Variants in MARCHF10 observed in about 807,000 individuals in gnomAD.
MARCHF10 encodes probable E3 ubiquitin-protein ligase MARCHF10.
MARCHF10 carries 64 observed loss-of-function variants against 76.2 expected under a neutral mutation model. The observed-to-expected ratio is 0.84, with a 90% CI of 0.69 to 1.03. The LOEUF is 1.03. Ranked by LOEUF, MARCHF10 falls within the 50% of genes least tolerant of loss-of-function variation. MARCHF10 has a pLI of 0.00. For synonymous variants in MARCHF10, 340 were observed against 357.5 expected, an observed-to-expected ratio of 0.95 and a Z score of 0.55; for missense variants, 875 against 958.0, an observed-to-expected ratio of 0.91 and a Z score of 1.14.
At position 62,711,219 on chromosome 17, in the gene MARCHF10, A is replaced by G; in HGVS notation, c.2328+12T>C. The G allele has an allele frequency of 6.2e-7, 1 of 1,612,936 alleles. No homozygotes were observed. Among genetic ancestry groups the G allele is most frequent in the East Asian group, 2.2e-5 (1 of 44,878 alleles). ...CTGCCACCGGACAGCTCTGGGTCAC[A>G]GCCAGACTTACCCTCTCTCTTTCCA... On this transcript the variant is annotated intron_variant, in intron 9 of 10. Coordinates refer to ENST00000311269, the MANE Select transcript of MARCHF10 (RefSeq NM_152598.4). The surrounding 1 kb of genome is among the most constrained non-coding windows in gnomAD (Gnocchi z 4.4).
chr17:62,783,411 C>T (rs1430689691), intron 3 of MARCHF10, among the ~76,000 whole-genome samples: 1 of 151,776 alleles, frequency 6.6e-6, no homozygotes, highest in African/African-American at 2.4e-5. Context: ...TAAATGCCCA[C>T]AAGAGAAAGC....
intron 2 of MARCHF10, among the ~76,000 whole-genome samples, chr17:62,793,529 T>TCAC (rs2092921883): frequency 7.4e-5 from 2 of 27,030 alleles, no homozygotes; most frequent in Non-Finnish European, 1.5e-4. Flanking sequence ...ACCACCTCCA[T>TCAC]CACCACCACC....
Position 62,722,580 on chromosome 17 carries a change from C to T in MARCHF10, c.2122G>A (p.Val708Met), listed in dbSNP as rs142879393. Reference protein sequence around the residue: ...KITSGADLGAVKTCEMCKQGL... With the variant: ...KITSGADLGAMKTCEMCKQGL... The stretch of plus-strand genomic sequence containing the variant: ...TGCTTACACATCTCACAGGTCTTCA[C>T]GGCACCAAGATCTGCTCCTTAAATT... The change falls in exon 8 of 11, where the codon GTG becomes ATG. Residue 708 changes from valine (V) to methionine (M), a missense_variant. Physicochemically the swap from Val to Met is conservative, Grantham distance 21. Transcript: ENST00000311269. 73 of 1,613,396 alleles carry T rather than the reference C, an allele frequency of 4.5e-5. No individual in the cohort carries two copies. The highest frequency in any genetic ancestry group is 1.6e-4 in the East Asian group (7 of 44,894).
In MARCHF10 at chr17:62,712,753, T is replaced by C. The variant is rs145613637; in HGVS notation, c.2215-1409A>G. Reference sequence around the variant, plus strand: ...TTTGCATTATTTCTGTTTTATTTATTTAATTTTATTTTTGAGACAGACACA... The same window carrying C: ...TTTGCATTATTTCTGTTTTATTTATCTAATTTTATTTTTGAGACAGACACA... On this transcript the variant is annotated intron_variant, in intron 8 of 10. Coordinates refer to ENST00000311269, the MANE Select transcript of MARCHF10 (RefSeq NM_152598.4). This position sits in a 1 kb window ranked among gnomAD's most constrained non-coding sequence, Gnocchi z 4.2. 7.2e-4 allele frequency among the ~76,000 whole-genome samples: 109 copies of C among 152,338 alleles called. No homozygotes were observed. Among genetic ancestry groups the C allele is most frequent in the African/African-American group, 2.5e-3 (104 of 41,576 alleles).
intron 4 of MARCHF10, among the ~76,000 whole-genome samples, chr17:62,758,936 G>A (rs2092120029): frequency 6.6e-6 from 1 of 152,176 alleles, no homozygotes; most frequent in Non-Finnish European, 1.5e-5. Flanking sequence ...ATGGAGATGA[G>A]CCCGAGAGAC....
intron 6 of MARCHF10, among the ~76,000 whole-genome samples, chr17:62,734,906 G>A (rs1325258684): frequency 6.6e-6 from 1 of 152,216 alleles, no homozygotes; most frequent in Non-Finnish European, 1.5e-5. Flanking sequence ...CTTCTGACAA[G>A]TAGGTCTGAA....
chr17:62,793,377 C>T (rs1304630135), intron 2 of MARCHF10, among the ~76,000 whole-genome samples: 1 of 146,296 alleles, frequency 6.8e-6, no homozygotes, highest in African/African-American at 2.6e-5. Context: ...CAACCACCAC[C>T]ACCTCCATTA....
Position 62,771,881 on chromosome 17 carries a change from T to C in MARCHF10, c.211-11875A>G, listed in dbSNP as rs113997192. Reference sequence around the variant, plus strand: ...CGCAAGCCACCACCCCCAGCCTGCTTGTCAATATCTCTCTACCTGTGTTAT... The same window carrying C: ...CGCAAGCCACCACCCCCAGCCTGCTCGTCAATATCTCTCTACCTGTGTTAT... On this transcript the variant is annotated intron_variant, in intron 3 of 10. Coordinates refer to ENST00000311269, the MANE Select transcript of MARCHF10 (RefSeq NM_152598.4). Among the ~76,000 whole-genome samples, 973 of 152,270 alleles carry C rather than the reference T, an allele frequency of 6.4e-3. 20 individuals carry two copies. The highest frequency in any genetic ancestry group is 0.022 in the African/African-American group (925 of 41,562).
At chr17:62,727,943 G>A (rs962159897) in intron 6 of MARCHF10, among the ~76,000 whole-genome samples, 3 of 152,202 alleles carry the variant, frequency 2.0e-5, no homozygotes, top group African/African-American at 7.2e-5. Context: ...CCCCCTTTCA[G>A]ATACCCTGTG....
chr17:62,729,539 T>C (rs2090922566), intron 6 of MARCHF10, among the ~76,000 whole-genome samples: 1 of 148,078 alleles, frequency 6.8e-6, no homozygotes. Flanking sequence ...TATATACATA[T>C]ATATGTATAA....
chr17:62,768,618 A>C (rs1164603807), intron 3 of MARCHF10, among the ~76,000 whole-genome samples: 1 of 152,234 alleles, frequency 6.6e-6, no homozygotes, highest in East Asian at 1.9e-4. Flanking sequence ...AAAGTTTCAA[A>C]TCTACGGAGA....
intron 9 of MARCHF10, chr17:62,706,572 G>A (rs2089605705): frequency 6.6e-6 from 1 of 152,230 alleles, no homozygotes; most frequent in African/African-American, 2.4e-5. Context: ...TAGAAATGAT[G>A]TGGATAGGAA....
intron 9 of MARCHF10, among the ~76,000 whole-genome samples, chr17:62,710,125 G>A (rs1192763032): frequency 1.3e-5 from 2 of 152,126 alleles, no homozygotes; most frequent in Admixed American, 6.6e-5. Context: ...ACTGTTTGTC[G>A]TTTGTCATGT....
In MARCHF10 at chr17:62,737,324, C is replaced by T. The variant is rs1377423718; in HGVS notation, c.544G>A (p.Val182Ile). ...TTACACATCAGGCCTTCTTGTTGAACTACTTGATCTGCATTGAGAAAAGAC... is the reference window on the plus strand; with the variant it reads ...TTACACATCAGGCCTTCTTGTTGAATTACTTGATCTGCATTGAGAAAAGAC... Reference protein sequence around the residue: ...VPVPRGADQVVQQEGLMCNTK... With the variant: ...VPVPRGADQVIQQEGLMCNTK... The change falls in exon 6 of 11, where the codon GTT becomes ATT. Residue 182 changes from valine (V) to isoleucine (I), a missense_variant. Physicochemically the swap from Val to Ile is conservative, Grantham distance 29. Coordinates refer to ENST00000311269, the MANE Select transcript of MARCHF10 (RefSeq NM_152598.4). The T allele has an allele frequency of 1.9e-6, 3 of 1,607,938 alleles. No homozygotes were observed. The highest frequency in any genetic ancestry group is 2.5e-6 in the Non-Finnish European group (3 of 1,178,748).
In MARCHF10 at chr17:62,792,329, C is replaced by T. The variant is rs117464045; in HGVS notation, c.91-3730G>A. ...CACTTTCTAACATAGTGACCTTGGG[C>T]GAGCTGACTAATGCCATTGATTCTT... On this transcript the variant is annotated intron_variant, in intron 2 of 10. Coordinates refer to ENST00000311269, the MANE Select transcript of MARCHF10 (RefSeq NM_152598.4). 8.4e-3 allele frequency among the ~76,000 whole-genome samples: 1,277 copies of T among 152,072 alleles called. 11 individuals carry two copies. Among genetic ancestry groups the T allele is most frequent in the Non-Finnish European group, 0.012 (826 of 67,948 alleles).
chr17:62,728,021 G>C lies in MARCHF10; in HGVS notation c.1938-2917C>G, dbSNP rs561254584. On this transcript the variant is annotated intron_variant, in intron 6 of 10. Coordinates refer to ENST00000311269, the MANE Select transcript of MARCHF10 (RefSeq NM_152598.4). ...TCTGTCATTGTATTCCAAAGAAAGG[G>C]AACTCTCCATAAAGGTCAAAGTTTT... is the stretch of plus-strand genomic sequence containing the variant. Among the ~76,000 whole-genome samples the C allele has an allele frequency of 4.6e-5, 7 of 152,250 alleles. No homozygotes were observed. In the East Asian group the frequency reaches 1.3e-3, roughly 29 times the overall value.
At chr17:62,705,263 A>T (rs2089505107) in intron 10 of MARCHF10, 1 of 1,395,642 alleles carries the variant, frequency 7.2e-7, no homozygotes, top group Non-Finnish European at 9.3e-7. Flanking sequence ...AAAGGAACAA[A>T]TCTTATCTCA....
At chr17:62,778,946 C>T (rs2092604538) in intron 3 of MARCHF10, among the ~76,000 whole-genome samples, 1 of 152,158 alleles carries the variant, frequency 6.6e-6, no homozygotes, top group African/African-American at 2.4e-5. Flanking sequence ...GCCTGAGGGG[C>T]TTGTGGGACC....
intron 9 of MARCHF10, among the ~76,000 whole-genome samples, chr17:62,707,860 A>G (rs539141970): frequency 6.6e-6 from 1 of 152,314 alleles, no homozygotes; most frequent in South Asian, 2.1e-4. Context: ...AAATCTTTGA[A>G]TAGCGGCTGA....
Sources: gnomAD v4.1 joint callset for allele counts (sites outside exome capture counted in the v4.1 genomes callset) on GRCh38, gnomAD v4.1.1 for gene constraint, Gnocchi (gnomAD v3.1) non-coding constraint, MANE v1.5 for transcripts, NCBI Gene and HGNC (gene_info 2026-07-23, HGNC 2026-07-21) for gene names.